Variants in IL1RAPL1 observed in about 807,000 individuals in gnomAD.
IL1RAPL1 encodes interleukin 1 receptor accessory protein like 1.
A neutral mutation model predicts 48.4 loss-of-function variants in IL1RAPL1; 3 were observed. The ratio of observed to expected loss-of-function variants is 0.06; its 90% CI spans 0.03 to 0.16. IL1RAPL1 has a LOEUF of 0.16. Ranked by LOEUF, IL1RAPL1 falls within the 10% of genes least tolerant of loss-of-function variation. The pLI is 1.00. For synonymous variants in IL1RAPL1, 185 were observed against 187.7 expected, an observed-to-expected ratio of 0.99 and a Z score of 0.12; for missense variants, 349 against 530.6, an observed-to-expected ratio of 0.66 and a Z score of 3.36.
chrX:28,763,991 C>G (rs1936205878), intron 1 of IL1RAPL1, among the ~76,000 whole-genome samples: 1 of 110,424 alleles, frequency 9.1e-6, no homozygotes, highest in Non-Finnish European at 1.9e-5. Flanking sequence ...ATATTTCATA[C>G]CAATTCTAAA....
At chrX:28,824,195 A>G (rs920160261) in intron 2 of IL1RAPL1, among the ~76,000 whole-genome samples, 2 of 111,329 alleles carry the variant, frequency 1.8e-5, no homozygotes, top group African/African-American at 6.5e-5. Flanking sequence ...ATTCCATTCA[A>G]ATAATATCAT....
chrX:29,353,519 C>T (rs1267595920), intron 3 of IL1RAPL1, among the ~76,000 whole-genome samples: 1 of 111,412 alleles, frequency 9.0e-6, no homozygotes, highest in African/African-American at 3.3e-5. Context: ...GATCTTTTGA[C>T]CTCAAAAGAA....
intron 2 of IL1RAPL1, among the ~76,000 whole-genome samples, chrX:29,033,536 G>A (rs1926665506): frequency 1.8e-5 from 2 of 110,746 alleles, no homozygotes; most frequent in Admixed American, 1.9e-4. Context: ...GATCTTAGAG[G>A]ATAACACACG....
intron 2 of IL1RAPL1, among the ~76,000 whole-genome samples, chrX:28,861,042 T>C (rs1921930741): frequency 1.8e-5 from 2 of 111,505 alleles, no homozygotes; most frequent in Non-Finnish European, 3.8e-5. Flanking sequence ...AAGAATTTTT[T>C]TCTCAATAAT....
At chrX:28,659,401 T>C in intron 1 of IL1RAPL1, 1 of 539,891 alleles carries the variant, frequency 1.9e-6, no homozygotes, top group East Asian at 3.4e-5. Context: ...AAGCGGCTTT[T>C]GTAGCCAGTT....
intron 2 of IL1RAPL1, among the ~76,000 whole-genome samples, chrX:29,279,594 A>T (rs146185350): frequency 9.0e-6 from 1 of 111,592 alleles, no homozygotes; most frequent in Non-Finnish European, 1.9e-5. Context: ...TAAGCCATAG[A>T]TCCTCCCTCT....
At chrX:29,678,342 C>CTT (rs140827802) in intron 6 of IL1RAPL1, among the ~76,000 whole-genome samples, 876 of 41,705 alleles carry the variant, frequency 0.021, 260 homozygotes, top group East Asian at 0.032. Context: ...TTCAACACTA[C>CTT]TTTTTTTTTT....
rs35694893 is a variant in IL1RAPL1 at position 29,361,542 on chromosome X, A to AACACACACACAC, written c.363-34696_363-34685dup. On this transcript the variant is annotated intron_variant, in intron 3 of 10. Transcript: ENST00000378993. The stretch of plus-strand genomic sequence containing the variant: ...GAAGTGCATGCTAAAAACTACCTTA[A>AACACACACACAC]ACACACACACACACACACACACACA... 1.5e-3 allele frequency among the ~76,000 whole-genome samples: 151 copies of AACACACACACAC among 101,008 alleles called. 1 individual carries two copies. The highest frequency in any genetic ancestry group is 5.4e-3 in the African/African-American group (148 of 27,463). 87.7% of individuals were successfully genotyped at this position (101,008 alleles called of 115,157 possible).
chrX:29,215,153 G>A (rs1255618684), intron 2 of IL1RAPL1, among the ~76,000 whole-genome samples: 1 of 110,862 alleles, frequency 9.0e-6, no homozygotes, highest in Non-Finnish European at 1.9e-5. Flanking sequence ...TTTGAGACCA[G>A]CCTGGCCAAC....
chrX:29,846,615 T>TA (rs1336874683), intron 6 of IL1RAPL1, among the ~76,000 whole-genome samples: 1 of 109,878 alleles, frequency 9.1e-6, no homozygotes, highest in African/African-American at 3.3e-5. Context: ...AGAAGATCAG[T>TA]AATGCACTGA....
intron 5 of IL1RAPL1, among the ~76,000 whole-genome samples, chrX:29,526,737 G>A (rs1239877269): frequency 8.9e-6 from 1 of 111,964 alleles, no homozygotes; most frequent in African/African-American, 3.2e-5. Context: ...AAATTATAAA[G>A]CCTTTCTGAA....
intron 6 of IL1RAPL1, among the ~76,000 whole-genome samples, chrX:29,792,965 T>A (rs1436917497): frequency 8.9e-6 from 1 of 111,888 alleles, no homozygotes; most frequent in Non-Finnish European, 1.9e-5. Context: ...ACTAGTTAGA[T>A]TGACCCTTGC....
chrX:28,708,347 C>G (rs1935399989), intron 1 of IL1RAPL1, among the ~76,000 whole-genome samples: 1 of 111,018 alleles, frequency 9.0e-6, no homozygotes, highest in Admixed American at 9.6e-5. Flanking sequence ...TTAACATGTC[C>G]TTGGAACTCT....
rs565184591 is a variant in IL1RAPL1, at chrX:29,442,461, C to G, written c.703+43153C>G. On this transcript the variant is annotated intron_variant, in intron 5 of 10. Transcript: ENST00000378993. ...ACAAATCACCACTAAAGAATTTACT[C>G]CTGTAACCAAATGCCACCTGTACCC... Among the ~76,000 whole-genome samples, 52 of 111,359 alleles carry G rather than the reference C, an allele frequency of 4.7e-4. No individual in the cohort carries two copies. In the East Asian group the frequency reaches 5.1e-3, roughly 11 times the overall value.
At chrX:29,582,820 T>C (rs1307466448) in intron 5 of IL1RAPL1, among the ~76,000 whole-genome samples, 6 of 64,069 alleles carry the variant, frequency 9.4e-5, no homozygotes, top group Non-Finnish European at 8.8e-5. Flanking sequence ...TGGTTCCAAG[T>C]CTTTGCTATT....
rs762212962 is a variant in IL1RAPL1 at position 29,812,902 on chromosome X, A to G, written c.779-104562A>G. 1.6e-4 allele frequency among the ~76,000 whole-genome samples: 18 copies of G among 111,481 alleles called. No homozygotes were observed. The South Asian group carries it at 6.8e-3, about 42-fold the overall frequency. ...ATAACCTTACCAATTGTGAGGTGAA[A>G]AAAAATTCAAAGCATAAATATGGCT... On this transcript the variant is annotated intron_variant, in intron 6 of 10. Transcript: ENST00000378993.
intron 2 of IL1RAPL1, among the ~76,000 whole-genome samples, chrX:29,082,816 C>T (rs1011203684): frequency 2.7e-5 from 3 of 111,936 alleles, no homozygotes; most frequent in African/African-American, 9.7e-5. Flanking sequence ...AATGTTCTCA[C>T]GATGATGTTT....
chrX:28,710,997 G>C, intron 1 of IL1RAPL1, among the ~76,000 whole-genome samples: 1 of 111,924 alleles, frequency 8.9e-6, no homozygotes, highest in Non-Finnish European at 1.9e-5. Context: ...TTGAGCAGAA[G>C]AGTGACTTAG....
At chrX:29,689,517 A>T (rs1489424018) in intron 6 of IL1RAPL1, among the ~76,000 whole-genome samples, 1 of 112,634 alleles carries the variant, frequency 8.9e-6, no homozygotes, top group Non-Finnish European at 1.9e-5. Flanking sequence ...AATGCACTGT[A>T]TGAGTTTAGG....
Sources: gnomAD v4.1 joint callset for allele counts (sites outside exome capture counted in the v4.1 genomes callset) on GRCh38, gnomAD v4.1.1 for gene constraint, MANE v1.5 for transcripts, NCBI Gene and HGNC (gene_info 2026-07-23, HGNC 2026-07-21) for gene names.